SLC12A7: variants seen among roughly 807,000 people sequenced by gnomAD.
SLC12A7 encodes the protein solute carrier family 12 member 7, also known as K-Cl cotransporter 4.
Under a neutral mutation model 120.6 loss-of-function variants are expected in SLC12A7, and 100 were observed. The observed-to-expected ratio is 0.83, with a 90% CI of 0.71 to 0.98. SLC12A7 has a LOEUF of 0.98. Among genes scored for constraint, SLC12A7 ranks in the 50% least tolerant of loss-of-function variants. The pLI is 0.00. For missense variants in SLC12A7, 1,373 were observed against 1,548.1 expected (o/e 0.89, Z 1.90); for synonymous variants, 760 against 678.0 (o/e 1.12, Z -1.88).
chr5:1,098,788 A>C (rs35845387), intron 1 of SLC12A7, among the ~76,000 whole-genome samples: 3,493 of 16,042 alleles, frequency 0.22, 570 homozygotes, highest in African/African-American at 0.28. Flanking sequence ...TCACCCAGCC[A>C]CCCTCTAACC....
intron 17 of SLC12A7, among the ~76,000 whole-genome samples, chr5:1,073,285 G>C (rs532669105): frequency 1.3e-5 from 2 of 148,948 alleles, no homozygotes; most frequent in African/African-American, 5.0e-5. Flanking sequence ...CAGCACACGG[G>C]CATCACACTT....
At chr5:1,073,369 G>C (rs1169897568) in intron 17 of SLC12A7, among the ~76,000 whole-genome samples, 1 of 152,236 alleles carries the variant, frequency 6.6e-6, no homozygotes, top group African/African-American at 2.4e-5. Flanking sequence ...TCTGGACGGG[G>C]CTCACCCATG....
upstream of SLC12A7, among the ~76,000 whole-genome samples, chr5:1,114,300 C>G (rs1023323300): frequency 1.3e-5 from 2 of 152,160 alleles, no homozygotes; most frequent in Non-Finnish European, 2.9e-5. Context: ...TTGTGGGAGA[C>G]CTCGGGTGGG....
chr5:1,060,847 C>T (rs1461116480), intron 20 of SLC12A7, among the ~76,000 whole-genome samples: 1 of 151,374 alleles, frequency 6.6e-6, no homozygotes, highest in Non-Finnish European at 1.5e-5. Flanking sequence ...GGGAAACCCA[C>T]CCAGAACACA....
chr5:1,081,005 GAGACAGACAGAC>G (rs1197459231), intron 9 of SLC12A7, among the ~76,000 whole-genome samples: 2 of 63,692 alleles, frequency 3.1e-5, no homozygotes, highest in Admixed American at 2.9e-4. Context: ...GACAGAGAGA[GAGACAGACAGAC>G]AGACAGAGAG....
chr5:1,105,276 G>A (rs549780905), intron 1 of SLC12A7, among the ~76,000 whole-genome samples: 6 of 131,044 alleles, frequency 4.6e-5, no homozygotes, highest in East Asian at 4.6e-4. Flanking sequence ...CCCCGCAGGG[G>A]TTAGGTCCTG....
In SLC12A7 at chr5:1,081,621, G is replaced by A. The variant is rs757676648; in HGVS notation, c.1253C>T (p.Ala418Val). ...GATGCCAACCAGCAGGGTGAAGGAGGCCGCGATGTCGGTGAGCACGTAGGG... is the reference window on the plus strand; with the variant it reads ...GATGCCAACCAGCAGGGTGAAGGAGACCGCGATGTCGGTGAGCACGTAGGG... Reference protein sequence around the residue: ...ALPYVLTDIAASFTLLVGIYF... With the variant: ...ALPYVLTDIAVSFTLLVGIYF... The change falls in exon 9 of 24, where the codon GCC (alanine) becomes GTC (valine). Residue 418 changes from alanine (A) to valine (V), a missense_variant. Coordinates refer to ENST00000264930, the MANE Select transcript of SLC12A7 (RefSeq NM_006598.3). 10 of 1,610,912 alleles carry A rather than the reference G, an allele frequency of 6.2e-6. No homozygotes were observed. The highest frequency in any genetic ancestry group is 8.5e-6 in the Non-Finnish European group (10 of 1,178,080).
At chr5:1,060,581 G>T (rs956054632) in intron 20 of SLC12A7, 130 bp from the exon 21 acceptor site, 6 of 666,310 alleles carry the variant, frequency 9.0e-6, no homozygotes, top group Non-Finnish European at 1.6e-5. Flanking sequence ...GGCCCCACAG[G>T]CCCCCTCTGG....
intron 3 of SLC12A7, among the ~76,000 whole-genome samples, chr5:1,092,727 TA>T (rs1740661057): frequency 6.6e-6 from 1 of 152,042 alleles, no homozygotes. Context: ...TCCGGTGGAT[TA>T]TTTTTTTTTG....
chr5:1,084,628 G>A lies in SLC12A7; in HGVS notation c.917+604C>T, dbSNP rs115710512. 4.0e-3 allele frequency among the ~76,000 whole-genome samples: 608 copies of A among 152,302 alleles called. 2 individuals carry two copies. Among genetic ancestry groups the A allele is most frequent in the African/African-American group, 0.013 (553 of 41,566 alleles). On this transcript the variant is annotated intron_variant, in intron 7 of 23. Coordinates refer to ENST00000264930, the MANE Select transcript of SLC12A7 (RefSeq NM_006598.3). ...GAGGGCAGCTGTGCTTCCCTAAAAC[G>A]GGCTTGTGGGGTTGCAGCTGTTCTG...
At chr5:1,136,602 C>T in the SLC12A7 span, among the ~76,000 whole-genome samples, 1,901 of 78,314 alleles carry the variant, frequency 0.024, 350 homozygotes, top group African/African-American at 0.048. Context: ...CACCAGGACA[C>T]GCAGACACAC....
At chr5:1,055,291 GCACA>G in intron 22 of SLC12A7, among the ~76,000 whole-genome samples, 1 of 152,344 alleles carries the variant, frequency 6.6e-6, no homozygotes, top group Non-Finnish European at 1.5e-5. Context: ...CATAGTATGT[GCACA>G]CAGACATGCA....
At chr5:1,086,654 C>T (rs1055446389) in intron 6 of SLC12A7, among the ~76,000 whole-genome samples, 2 of 152,264 alleles carry the variant, frequency 1.3e-5, no homozygotes, top group African/African-American at 4.8e-5. Context: ...CAGATGTCTA[C>T]CCAGCTCATG....
the SLC12A7 span, among the ~76,000 whole-genome samples, chr5:1,153,217 AGTCCCTGGGCGGTCC>A: frequency 9.2e-6 from 1 of 108,326 alleles, no homozygotes; most frequent in Non-Finnish European, 2.1e-5. Context: ...GGGCTTGCCC[AGTCCCTGGGCGGTCC>A]AGCCCAGCCT....
At chr5:1,129,443 C>T in the SLC12A7 span, among the ~76,000 whole-genome samples, 14 of 152,184 alleles carry the variant, frequency 9.2e-5, no homozygotes, top group Non-Finnish European at 1.9e-4. Flanking sequence ...GAGAAAGTTC[C>T]GGGCTTCCCC....
the SLC12A7 span, among the ~76,000 whole-genome samples, chr5:1,154,018 C>A: frequency 2.0e-5 from 3 of 152,112 alleles, no homozygotes; most frequent in African/African-American, 7.2e-5. Context: ...GCAGGTGTCT[C>A]GTCCATCTCA....
the SLC12A7 span, among the ~76,000 whole-genome samples, chr5:1,153,352 A>T: frequency 6.6e-6 from 1 of 152,252 alleles, no homozygotes; most frequent in Non-Finnish European, 1.5e-5. Flanking sequence ...CTCCATGCCC[A>T]CATGAATGTG....
At chr5:1,052,689 G>T (rs1243740324) in intron 23 of SLC12A7, among the ~76,000 whole-genome samples, 1 of 152,106 alleles carries the variant, frequency 6.6e-6, no homozygotes. Flanking sequence ...CAGGGAGGAC[G>T]AGCAGAGACA....
intron 20 of SLC12A7, among the ~76,000 whole-genome samples, chr5:1,061,754 A>T (rs1736309456): frequency 6.6e-6 from 1 of 152,056 alleles, no homozygotes; most frequent in Non-Finnish European, 1.5e-5. Context: ...GTTCGAGACC[A>T]GCCTGGCCAT....
Sources: allele counts gnomAD v4.1 joint callset (sites outside exome capture counted in the v4.1 genomes callset), GRCh38; gene constraint gnomAD v4.1.1; transcripts MANE v1.5; gene names NCBI Gene and HGNC (gene_info 2026-07-23, HGNC 2026-07-21).